Variants in ARNT observed in about 807,000 individuals in gnomAD.
ARNT encodes the protein class E basic helix-loop-helix protein 2.
In ARNT, 30 loss-of-function variants were observed where a neutral mutation model predicts 105.0. The observed-to-expected ratio is 0.29, with a 90% CI of 0.21 to 0.39. The LOEUF (loss-of-function observed/expected upper bound fraction) is 0.39, where lower values mean the gene tolerates loss of function less well. Ranked by LOEUF, ARNT falls within the 10% of genes least tolerant of loss-of-function variation. The probability of loss-of-function intolerance (pLI) is 1.00; values close to 1 mark genes in which losing one functional copy is unlikely to be tolerated. For missense variants in ARNT, 748 were observed against 978.7 expected, an observed-to-expected ratio of 0.76 and a Z score of 3.15; for synonymous variants, 304 against 344.0, an observed-to-expected ratio of 0.88 and a Z score of 1.29.
chr1:150,834,797 A>C (rs1053325924), intron 7 of ARNT, 157 bp from the exon 8 acceptor site: 2 of 550,782 alleles, frequency 3.6e-6, no homozygotes, highest in African/African-American at 3.8e-5. Flanking sequence ...TTTTTTTTCA[A>C]GCCTAAAATA....
Position 150,831,651 on chromosome 1 carries a change from A to T in ARNT, c.955+167T>A, listed in dbSNP as rs1659374937. 3 of 565,558 alleles carry T rather than the reference A, an allele frequency of 5.3e-6. No homozygotes were observed. In the East Asian group the frequency reaches 9.6e-5, roughly 18 times the overall value. The allele number at this position is 565,558 out of a possible 1,614,324, so 35.0% of individuals were successfully genotyped here. On this transcript the variant is annotated intron_variant, in intron 10 of 21. Coordinates refer to ENST00000358595, the MANE Select transcript of ARNT (RefSeq NM_001668.4). ...TTATCTATCTCCTCAACTGGAATAA[A>T]AGCTCAATAATGGAAGGGAAGGATT... is the stretch of plus-strand genomic sequence containing the variant.
Position 150,812,076 on chromosome 1 carries a change from C to T in ARNT, c.2315G>A (p.Ser772Asn). Residue 772 changes from serine (S) to asparagine (N), a missense_variant, in exon 22 of 22, where the codon AGC (serine) becomes AAC (asparagine). Around this residue, in one of 4 missense-constraint regions of ARNT, gnomAD observed 360 missense variants for 411.9 expected, o/e 0.87. Transcript: ENST00000358595. The part of the protein sequence containing the change: ...MLSMLGDQSN[S>N]YNNEEFPDLT... ...ATCAGGGAATTCTTCATTGTTGTAG[C>T]TGTTGCTCTGATCTCCCAGCATGGA... The T allele has an allele frequency of 6.4e-7, 1 of 1,574,164 alleles. No homozygotes were observed. Among genetic ancestry groups the T allele is most frequent in the Non-Finnish European group, 8.6e-7 (1 of 1,157,568 alleles).
Position 150,858,343 on chromosome 1 carries a change from A to C in ARNT, c.137+6T>G, listed in dbSNP as rs1478907960. On this transcript the variant is annotated splice_donor_region_variant and intron_variant, in intron 2 of 21. Coordinates refer to ENST00000358595, the MANE Select transcript of ARNT (RefSeq NM_001668.4). ...GATATTCATAACACACTACACTCAA[A>C]CTCACCCTGGTCGCCGCTTAATAGC... 1 of 1,597,374 alleles carries C rather than the reference A, an allele frequency of 6.3e-7. No homozygotes were observed. The highest frequency in any genetic ancestry group is 8.6e-7 in the Non-Finnish European group (1 of 1,169,418).
chr1:150,856,034 T>C lies in ARNT; in HGVS notation c.137+2315A>G, dbSNP rs1571434294. On this transcript the variant is annotated intron_variant, in intron 2 of 21. Transcript: ENST00000358595. ...ATGTAAAACTATATAATTACATAAC[T>C]ATTAAAAACAATTTACATATAAAGA... Among the ~76,000 whole-genome samples the C allele has an allele frequency of 2.0e-5, 3 of 152,348 alleles. No individual in the cohort carries two copies. In the East Asian group the frequency reaches 5.8e-4, roughly 29 times the overall value.
chr1:150,837,545 C>T (rs1660545279), intron 6 of ARNT, among the ~76,000 whole-genome samples: 1 of 152,170 alleles, frequency 6.6e-6, no homozygotes, highest in Non-Finnish European at 1.5e-5. Context: ...TCCCTACCTT[C>T]TTCTATGAGA....
chr1:150,826,674 C>T (rs1401781952), intron 12 of ARNT, 57 bp from the exon 13 acceptor site: 6 of 1,345,658 alleles, frequency 4.5e-6, no homozygotes, highest in African/African-American at 2.9e-5. Context: ...GATGGAGTTT[C>T]GCTCTTGTTG....
intron 1 of ARNT, among the ~76,000 whole-genome samples, chr1:150,860,005 TAAA>T (rs35772624): frequency 7.5e-6 from 1 of 133,926 alleles, no homozygotes; most frequent in Non-Finnish European, 1.6e-5. Flanking sequence ...AGATCCTGTC[TAAA>T]AAAAAAAAAA....
intron 3 of ARNT, among the ~76,000 whole-genome samples, chr1:150,849,851 G>A (rs959349016): frequency 6.6e-6 from 1 of 152,128 alleles, no homozygotes; most frequent in African/African-American, 2.4e-5. Flanking sequence ...GACCACTTAA[G>A]GCCAAGAGTT....
intron 5 of ARNT, 196 bp downstream of exon 5, chr1:150,842,228 G>C (rs587706826): frequency 1.0e-6 from 1 of 982,360 alleles, no homozygotes; most frequent in Non-Finnish European, 1.2e-6. Flanking sequence ...CCTAAGCAAA[G>C]TTCCCTCAAC....
Position 150,811,635 on chromosome 1 carries a change from T to C in ARNT, c.*386A>G, listed in dbSNP as rs1654753646. ...TGAGGACATTTCTCCTCTCCTCCAC[T>C]CTCTTCAGAATTTCTTTCCAAAAAC... is the stretch of plus-strand genomic sequence containing the variant. On this transcript the variant is annotated 3_prime_UTR_variant, in exon 22 of 22. Coordinates refer to ENST00000358595, the MANE Select transcript of ARNT (RefSeq NM_001668.4). The C allele has an allele frequency of 4.2e-6, 1 of 235,318 alleles. No individual in the cohort carries two copies. Among genetic ancestry groups the C allele is most frequent in the African/African-American group, 2.2e-5 (1 of 45,394 alleles). The allele number at this position is 235,318 out of a possible 1,614,324, so 14.6% of individuals were successfully genotyped here. A position where few individuals can be genotyped will look rare whatever the true frequency, so the allele number is the denominator to read the frequency against.
Position 150,810,677 on chromosome 1 carries a change from G to A in ARNT, c.*1344C>T, listed in dbSNP as rs929126414. 1 of 218,298 alleles carries A rather than the reference G, an allele frequency of 4.6e-6. No individual in the cohort carries two copies. Among genetic ancestry groups the A allele is most frequent in the South Asian group, 1.9e-4 (1 of 5,400 alleles). 13.5% of individuals were successfully genotyped at this position (218,298 alleles called of 1,614,324 possible). Reference sequence around the variant, plus strand: ...CTGGTATCTACGACTGTTACCTGAGGAAGGTAAAGGGTGAGGGTAGTAACC... The same window carrying A: ...CTGGTATCTACGACTGTTACCTGAGAAAGGTAAAGGGTGAGGGTAGTAACC... On this transcript the variant is annotated 3_prime_UTR_variant, in exon 22 of 22. Transcript: ENST00000358595.
intron 1 of ARNT, among the ~76,000 whole-genome samples, chr1:150,864,163 A>G (rs1162285857): frequency 6.6e-6 from 1 of 152,204 alleles, no homozygotes; most frequent in Non-Finnish European, 1.5e-5. Flanking sequence ...TTATGTATCT[A>G]AACATAGAAA....
chr1:150,818,280 C>A (rs1656355950), intron 14 of ARNT: 3 of 391,936 alleles, frequency 7.7e-6, no homozygotes, highest in Non-Finnish European at 1.4e-5. Flanking sequence ...TATTCAAAAC[C>A]TGGTTATTGT....
chr1:150,814,296 T>C (rs1429674309), intron 19 of ARNT, 57 bp from the exon 20 acceptor site: 55 of 1,540,348 alleles, frequency 3.6e-5, no homozygotes, highest in Non-Finnish European at 4.7e-5. Flanking sequence ...TCATTGCACA[T>C]ACCATGCCTA....
In ARNT at chr1:150,845,152, T is replaced by TGGCTATGC. The variant is rs1661968282; in HGVS notation, c.227+1103_227+1110dup. Among the ~76,000 whole-genome samples the TGGCTATGC allele has an allele frequency of 2.0e-5, 3 of 152,096 alleles. No homozygotes were observed. In the South Asian group the frequency reaches 6.2e-4, roughly 32 times the overall value. On this transcript the variant is annotated intron_variant, in intron 4 of 21. Transcript: ENST00000358595. Reference sequence around the variant, plus strand: ...AAAAAACAGGACCAACCAGGCATGGTGGCTATGCATATAATCCCAATATTT... The same window carrying TGGCTATGC: ...AAAAAACAGGACCAACCAGGCATGGTGGCTATGCGGCTATGCATATAATCCCAATATTT...
chr1:150,864,612 T>G (rs1451462116), intron 1 of ARNT, among the ~76,000 whole-genome samples: 1 of 54,720 alleles, frequency 1.8e-5, no homozygotes, highest in Non-Finnish European at 3.2e-5. Flanking sequence ...GGGACTGTGG[T>G]GGGGTGGGGG....
intron 12 of ARNT, among the ~76,000 whole-genome samples, chr1:150,826,841 T>C (rs964726748): frequency 1.6e-4 from 24 of 151,934 alleles, no homozygotes; most frequent in African/African-American, 5.8e-4. Context: ...GAGACAGGGT[T>C]TCACCATGTT....
At chr1:150,831,735 G>A in intron 10 of ARNT, 83 bp downstream of exon 10, 1 of 852,164 alleles carries the variant, frequency 1.2e-6, no homozygotes, top group East Asian at 2.7e-5. Context: ...CATATACCAG[G>A]TATATAATAA....
chr1:150,858,433 CCCA>C lies in ARNT; in HGVS notation c.50_52del (p.Leu17_Gly18delinsArg), dbSNP rs1665011989. On this transcript the variant is annotated inframe_deletion, in exon 2 of 22. Coordinates refer to ENST00000358595, the MANE Select transcript of ARNT (RefSeq NM_001668.4). ...AGAGTTTCCAGAGGCAATGGCTGGA[CCCA>C]GTGATGGTACATCTGATGTCATTTC... is the stretch of plus-strand genomic sequence containing the variant. 6.2e-7 allele frequency: 1 copy of C among 1,608,644 alleles called. No individual in the cohort carries two copies. Among genetic ancestry groups the C allele is most frequent in the Admixed American group, 1.7e-5 (1 of 59,448 alleles).
Sources: gnomAD v4.1 joint callset for allele counts (sites outside exome capture counted in the v4.1 genomes callset) on GRCh38, gnomAD v4.1.1 for gene constraint, gnomAD v4.1.1 regional missense constraint, MANE v1.5 for transcripts, NCBI Gene and HGNC (gene_info 2026-07-23, HGNC 2026-07-21) for gene names.